The following WWOX variants were observed in gnomAD, a reference collection of about 807,000 sequenced individuals.
WWOX encodes WW domain-containing oxidoreductase.
Under a neutral mutation model 46.2 loss-of-function variants are expected in WWOX, and 69 were observed. The observed-to-expected ratio is 1.49, with a 90% CI of 1.23 to 1.82. WWOX has a LOEUF of 1.82. WWOX is among the 40% of genes most tolerant of loss of function. The probability of loss-of-function intolerance (pLI) is 0.00; values close to 1 mark genes in which losing one functional copy is unlikely to be tolerated. For missense variants in WWOX, 919 were observed against 542.6 expected (o/e 1.69, Z -6.89); for synonymous variants, 359 against 202.6 (o/e 1.77, Z -6.56).
At chr16:78,143,483 A>T (rs1193077230) in intron 4 of WWOX, among the ~76,000 whole-genome samples, 1 of 152,152 alleles carries the variant, frequency 6.6e-6, no homozygotes, top group Admixed American at 6.5e-5. Context: ...GTTTTATTGG[A>T]ACACGGGTGC....
At chr16:79,084,683 G>C (rs1162417448) in intron 8 of WWOX, among the ~76,000 whole-genome samples, 1 of 152,198 alleles carries the variant, frequency 6.6e-6, no homozygotes, top group African/African-American at 2.4e-5. Flanking sequence ...AAAGTGCTGG[G>C]ATTACAGGCA....
At chr16:78,707,255 A>G (rs2048345993) in intron 8 of WWOX, among the ~76,000 whole-genome samples, 1 of 152,206 alleles carries the variant, frequency 6.6e-6, no homozygotes, top group Non-Finnish European at 1.5e-5. Flanking sequence ...CCTCAGATAT[A>G]TTAAAAAGCT....
At chr16:78,735,190 C>T (rs955836880) in intron 8 of WWOX, among the ~76,000 whole-genome samples, 1 of 152,024 alleles carries the variant, frequency 6.6e-6, no homozygotes, top group Non-Finnish European at 1.5e-5. Context: ...TTCCTGCCTT[C>T]AGACTTGAAC....
At chr16:78,643,925 A>C (rs549304953) in intron 8 of WWOX, among the ~76,000 whole-genome samples, 194 of 152,194 alleles carry the variant, frequency 1.3e-3, no homozygotes, top group African/African-American at 4.4e-3. Flanking sequence ...TAAAACAAAC[A>C]AACAACAAAA....
intron 8 of WWOX, among the ~76,000 whole-genome samples, chr16:78,724,438 G>C (rs1195174134): frequency 1.3e-5 from 2 of 152,060 alleles, no homozygotes; most frequent in African/African-American, 4.8e-5. Context: ...ATGGCTTTTA[G>C]CACATTGCAC....
At chr16:78,150,004 C>G (rs371292703) in intron 4 of WWOX, among the ~76,000 whole-genome samples, 1 of 152,136 alleles carries the variant, frequency 6.6e-6, no homozygotes. Flanking sequence ...TTGACACTAA[C>G]GACCCAGAGT....
chr16:78,854,797 G>C (rs1244022361), intron 8 of WWOX, among the ~76,000 whole-genome samples: 1 of 152,140 alleles, frequency 6.6e-6, no homozygotes, highest in Non-Finnish European at 1.5e-5. Context: ...GGCCAGGCTG[G>C]TGTTGAACCC....
chr16:79,099,543 A>G (rs973468721), intron 8 of WWOX, among the ~76,000 whole-genome samples: 1 of 151,696 alleles, frequency 6.6e-6, no homozygotes, highest in African/African-American at 2.4e-5. Flanking sequence ...TTTCTCTTCT[A>G]ACAGAATCTA....
chr16:79,129,629 C>A (rs1432734877), intron 8 of WWOX, among the ~76,000 whole-genome samples: 1 of 152,026 alleles, frequency 6.6e-6, no homozygotes, highest in Non-Finnish European at 1.5e-5. Flanking sequence ...AATAAATTCT[C>A]AAATGAAATT....
intron 8 of WWOX, among the ~76,000 whole-genome samples, chr16:78,931,851 G>C (rs965253608): frequency 1.3e-5 from 2 of 152,214 alleles, no homozygotes; most frequent in African/African-American, 4.8e-5. Flanking sequence ...CCACATGGGA[G>C]GGATTTGAAT....
chr16:78,497,747 A>T (rs1320480163), intron 8 of WWOX, among the ~76,000 whole-genome samples: 1 of 152,152 alleles, frequency 6.6e-6, no homozygotes, highest in Non-Finnish European at 1.5e-5. Context: ...CATTACAGGG[A>T]CAGTGGTTGG....
rs200168363 is a variant in WWOX, at chr16:79,082,436, C to T, written c.1057-129172C>T. Among the ~76,000 whole-genome samples the T allele has an allele frequency of 3.3e-5, 5 of 152,212 alleles. No individual in the cohort carries two copies. In the East Asian group the frequency reaches 9.7e-4, roughly 29 times the overall value. ...GGGTCATGAGGTCACCTTCCCATGG[C>T]CAGGAGAAGCAGGTACTCAGGAATG... On this transcript the variant is annotated intron_variant, in intron 8 of 8. Coordinates refer to ENST00000566780, the MANE Select transcript of WWOX (RefSeq NM_016373.4).
At chr16:78,599,282 C>T (rs776794077) in intron 8 of WWOX, among the ~76,000 whole-genome samples, 12 of 152,158 alleles carry the variant, frequency 7.9e-5, no homozygotes, top group Admixed American at 1.3e-4. Context: ...TGTGAACCTC[C>T]GGGATCTCTC....
At chr16:78,605,109 A>C (rs2045724004) in intron 8 of WWOX, among the ~76,000 whole-genome samples, 1 of 149,906 alleles carries the variant, frequency 6.7e-6, no homozygotes, top group Admixed American at 6.7e-5. Context: ...AAAAGTTGTT[A>C]AGTCTGTGTT....
intron 8 of WWOX, among the ~76,000 whole-genome samples, chr16:79,175,271 G>C (rs2050778420): frequency 6.6e-6 from 1 of 152,186 alleles, no homozygotes; most frequent in Admixed American, 6.5e-5. Flanking sequence ...AGATCAGTTT[G>C]AAATCCAACT....
At chr16:78,679,096 A>G (rs925722390) in intron 8 of WWOX, among the ~76,000 whole-genome samples, 1 of 152,228 alleles carries the variant, frequency 6.6e-6, no homozygotes, top group African/African-American at 2.4e-5. Context: ...AGGCTGGTGC[A>G]GTTACTCTGT....
chr16:78,428,426 A>G (rs570306006), intron 7 of WWOX, among the ~76,000 whole-genome samples: 3 of 152,326 alleles, frequency 2.0e-5, no homozygotes, highest in South Asian at 2.1e-4. Flanking sequence ...AAAGTGGACT[A>G]TCTGCCCAGG....
At chr16:78,235,511 G>A (rs534419542) in intron 5 of WWOX, among the ~76,000 whole-genome samples, 1 of 152,312 alleles carries the variant, frequency 6.6e-6, no homozygotes, top group South Asian at 2.1e-4. Context: ...GACCGGGTCT[G>A]GAGTGCAACA....
chr16:78,650,784 CA>C (rs750599781), intron 8 of WWOX, among the ~76,000 whole-genome samples: 1 of 152,166 alleles, frequency 6.6e-6, no homozygotes, highest in Non-Finnish European at 1.5e-5. Context: ...CCCTGTCCCA[CA>C]AATCTCAGCT....
Sources: gnomAD v4.1 joint callset for allele counts (sites outside exome capture counted in the v4.1 genomes callset) on GRCh38, gnomAD v4.1.1 for gene constraint, MANE v1.5 for transcripts, NCBI Gene and HGNC (gene_info 2026-07-23, HGNC 2026-07-21) for gene names.